CBFA2T2: variants seen among roughly 807,000 people sequenced by gnomAD.
The protein encoded by CBFA2T2 is CBFA2/RUNX1 partner transcriptional co-repressor 2, also known as protein CBFA2T2.
A neutral mutation model predicts 62.2 loss-of-function variants in CBFA2T2; 11 were observed. That is an observed-to-expected ratio of 0.18 (90% CI 0.11 to 0.29). CBFA2T2 has a LOEUF of 0.29. CBFA2T2 is among the 10% of genes least tolerant of loss of function. The pLI, the probability that CBFA2T2 is intolerant of heterozygous loss-of-function variation, is 1.00. For synonymous variants in CBFA2T2, 295 were observed against 287.5 expected (o/e 1.03, Z -0.27); for missense variants, 592 against 774.1 (o/e 0.76, Z 2.79).
chr20:33,640,191 A>G (rs766033395), intron 9 of CBFA2T2, 150 bp from the exon 10 acceptor site: 3 of 748,956 alleles, frequency 4.0e-6, no homozygotes, highest in Non-Finnish European at 6.5e-6. Context: ...ACCTGCATGG[A>G]TGGACACATG....
Position 33,557,564 on chromosome 20 carries a change from T to C in CBFA2T2, c.35-49392T>C, listed in dbSNP as rs117550800. Among the ~76,000 whole-genome samples the C allele has an allele frequency of 6.8e-3, 1,042 of 152,252 alleles. 22 individuals carry two copies. The East Asian group carries it at 0.07, about 10-fold the overall frequency. On this transcript the variant is annotated intron_variant, in intron 1 of 10. Transcript: ENST00000342704. Reference sequence around the variant, plus strand: ...CTCTGTCACCCAGGGTGAAGTGCAGTGGTGGGATCATAGTTCACTGCAGCC... The same window carrying C: ...CTCTGTCACCCAGGGTGAAGTGCAGCGGTGGGATCATAGTTCACTGCAGCC...
At chr20:33,519,583 A>C (rs953748991) in intron 1 of CBFA2T2, among the ~76,000 whole-genome samples, 2 of 152,198 alleles carry the variant, frequency 1.3e-5, no homozygotes, top group African/African-American at 4.8e-5. Context: ...TGGTATCCAC[A>C]CGGATTCCTT....
intron 3 of CBFA2T2, among the ~76,000 whole-genome samples, chr20:33,613,452 C>T (rs941306466): frequency 6.6e-6 from 1 of 152,164 alleles, no homozygotes; most frequent in Non-Finnish European, 1.5e-5. Flanking sequence ...TGCAGGTTTC[C>T]TTATGCTCTC....
At chr20:33,605,235 T>G (rs2015294561) in intron 1 of CBFA2T2, among the ~76,000 whole-genome samples, 1 of 152,212 alleles carries the variant, frequency 6.6e-6, no homozygotes, top group African/African-American at 2.4e-5. Context: ...GTGAACACTC[T>G]TGTATGTATT....
intron 1 of CBFA2T2, among the ~76,000 whole-genome samples, chr20:33,545,470 T>TTTCTTTCTTTCTTTCTTTCGTTCGTTCG (rs1209263074): frequency 1.3e-5 from 2 of 151,326 alleles, no homozygotes; most frequent in African/African-American, 4.9e-5. Context: ...TCTTTCTTTC[T>TTTCTTTCTTTCTTTCTTTCGTTCGTTCG]TTCGTTCGTT....
At chr20:33,541,326 G>T (rs1471074549) in intron 1 of CBFA2T2, among the ~76,000 whole-genome samples, 1 of 152,198 alleles carries the variant, frequency 6.6e-6, no homozygotes, top group Non-Finnish European at 1.5e-5. Flanking sequence ...TTAGACTCAT[G>T]ATTTTAGCAG....
At position 33,576,029 on chromosome 20, in the gene CBFA2T2, C is replaced by T. The variant is rs140024286; in HGVS notation, c.35-30927C>T. ...GCCTCGATCTCCTGATCTCGTGATCCGCCCACCTTGGCCTCCCAAAGTGTT... is the reference window on the plus strand; with the variant it reads ...GCCTCGATCTCCTGATCTCGTGATCTGCCCACCTTGGCCTCCCAAAGTGTT... On this transcript the variant is annotated intron_variant, in intron 1 of 10. Transcript: ENST00000342704. Among the ~76,000 whole-genome samples the T allele has an allele frequency of 6.9e-4, 105 of 152,128 alleles. No homozygotes were observed. The East Asian group carries it at 0.012, about 18-fold the overall frequency.
chr20:33,639,448 C>T (rs550919787), intron 9 of CBFA2T2: 1 of 152,212 alleles, frequency 6.6e-6, no homozygotes, highest in Non-Finnish European at 1.5e-5. Context: ...GTGGCGGGCA[C>T]CTGTAGTCCC....
intron 1 of CBFA2T2, 64 bp downstream of exon 1, chr20:33,490,365 C>A: frequency 8.1e-7 from 1 of 1,237,634 alleles, no homozygotes; most frequent in East Asian, 3.1e-5. Context: ...TCCGCAGGCG[C>A]GGTGATTCCG....
chr20:33,644,566 G>A lies in CBFA2T2; in HGVS notation c.1708G>A (p.Ala570Thr), dbSNP rs746868906. 1.4e-5 allele frequency: 23 copies of A among 1,613,576 alleles called. No homozygotes were observed. The highest frequency in any genetic ancestry group is 1.7e-5 in the Non-Finnish European group (20 of 1,179,670). Residue 570 changes from alanine (A) to threonine (T), a missense_variant, in exon 11 of 11, where the codon GCC (alanine) becomes ACC (threonine). This residue lies in a region of CBFA2T2 where 85 missense variants were observed against 99.0 expected (regional missense o/e 0.86). Transcript: ENST00000342704. Reference protein sequence around the residue: ...RSADCSVPSPALDKTSATTSR... With the variant: ...RSADCSVPSPTLDKTSATTSR... Reference sequence around the variant, plus strand: ...CGCCGACTGCAGCGTGCCCAGCCCAGCCCTCGACAAGACCTCGGCAACCAC... The same window carrying A: ...CGCCGACTGCAGCGTGCCCAGCCCAACCCTCGACAAGACCTCGGCAACCAC...
In CBFA2T2 at chr20:33,505,652, A is replaced by G. The variant is rs569516009; in HGVS notation, c.34+15351A>G. 1.6e-4 allele frequency among the ~76,000 whole-genome samples: 24 copies of G among 152,190 alleles called. No homozygotes were observed. In the East Asian group the frequency reaches 4.3e-3, roughly 27 times the overall value. ...CAAAATTAGCCAGGCGTGGTGGTGC[A>G]TGCCTGTAATCCCAGCTGCTCAGGA... On this transcript the variant is annotated intron_variant, in intron 1 of 10. Coordinates refer to ENST00000342704, the MANE Select transcript of CBFA2T2 (RefSeq NM_001032999.3).
chr20:33,490,190 C>A lies in CBFA2T2; in HGVS notation c.-78C>A, dbSNP rs2011135737. 8.4e-7 allele frequency: 1 copy of A among 1,196,726 alleles called. No individual in the cohort carries two copies. Among genetic ancestry groups the A allele is most frequent in the African/African-American group, 1.6e-5 (1 of 62,320 alleles). The allele number at this position is 1,196,726 out of a possible 1,614,324, so 74.1% of individuals were successfully genotyped here. On this transcript the variant is annotated 5_prime_UTR_variant, in exon 1 of 11. Transcript: ENST00000342704. ...CGACGCCTGCGAGGGACCCGGGCCG[C>A]GGGTCGAGGCGGGCGGCGCCTGCGA...
intron 1 of CBFA2T2, among the ~76,000 whole-genome samples, chr20:33,497,855 A>AT (rs2011221054): frequency 6.6e-6 from 1 of 150,742 alleles, no homozygotes; most frequent in Non-Finnish European, 1.5e-5. Context: ...GCTTATTTTT[A>AT]TTTTTTTTAT....
chr20:33,556,163 C>T (rs1235611726), intron 1 of CBFA2T2, among the ~76,000 whole-genome samples: 1 of 152,164 alleles, frequency 6.6e-6, no homozygotes, highest in African/African-American at 2.4e-5. Context: ...CACTGCGGCT[C>T]TTTAATTTTT....
At position 33,606,994 on chromosome 20, in the gene CBFA2T2, C is replaced by T; in HGVS notation, c.73C>T (p.Pro25Ser). Residue 25 changes from proline (P) to serine (S), a missense_variant, in exon 2 of 11, where the codon CCT becomes TCT. Transcript: ENST00000342704. ...AAGGGTGCCAGCGATGCCTGGATCG[C>T]CTGTGGAAGTGAAGATACAGTCCAG... ...EKRVPAMPGS[P>S]VEVKIQSRSS... The T allele has an allele frequency of 6.2e-7, 1 of 1,613,960 alleles. No individual in the cohort carries two copies. Among genetic ancestry groups the T allele is most frequent in the Non-Finnish European group, 8.5e-7 (1 of 1,179,904 alleles).
chr20:33,519,692 C>A (rs925538154), intron 1 of CBFA2T2, among the ~76,000 whole-genome samples: 3 of 152,066 alleles, frequency 2.0e-5, no homozygotes, highest in Non-Finnish European at 2.9e-5. Flanking sequence ...TGTAGGTTCA[C>A]CCCCTGGATT....
At chr20:33,513,883 T>C (rs2011552591) in intron 1 of CBFA2T2, among the ~76,000 whole-genome samples, 1 of 148,580 alleles carries the variant, frequency 6.7e-6, no homozygotes, top group Admixed American at 6.7e-5. Context: ...AAGTACTTGC[T>C]GTTTTTTGTT....
intron 1 of CBFA2T2, among the ~76,000 whole-genome samples, chr20:33,553,703 C>T (rs1259449425): frequency 1.3e-5 from 2 of 152,206 alleles, no homozygotes; most frequent in East Asian, 3.8e-4. Context: ...AAACGCTAAG[C>T]AGGCTATAAG....
chr20:33,584,072 T>G (rs1352195782), intron 1 of CBFA2T2, among the ~76,000 whole-genome samples: 1 of 151,656 alleles, frequency 6.6e-6, no homozygotes, highest in African/African-American at 2.4e-5. Flanking sequence ...CTCAGCCTCC[T>G]GAGTAGCTGG....
Sources: gnomAD v4.1 joint callset for allele counts (sites outside exome capture counted in the v4.1 genomes callset) on GRCh38, gnomAD v4.1.1 for gene constraint, gnomAD v4.1.1 regional missense constraint, MANE v1.5 for transcripts, NCBI Gene and HGNC (gene_info 2026-07-23, HGNC 2026-07-21) for gene names.